Variants in CA10 observed in about 807,000 individuals in gnomAD.
CA10 encodes the protein carbonic anhydrase 10 (inactive), also known as carbonic anhydrase-related protein 10.
In CA10, 14 loss-of-function variants were observed where a neutral mutation model predicts 44.2. The ratio of observed to expected loss-of-function variants is 0.32; its 90% CI spans 0.21 to 0.50. The LOEUF (loss-of-function observed/expected upper bound fraction) is 0.50, where lower values mean the gene tolerates loss of function less well. CA10 is among the 20% of genes least tolerant of loss of function. The probability of loss-of-function intolerance (pLI) is 0.99; values close to 1 mark genes in which losing one functional copy is unlikely to be tolerated. For missense variants in CA10, 350 were observed against 409.7 expected, an observed-to-expected ratio of 0.85 and a Z score of 1.26; for synonymous variants, 159 against 141.6, an observed-to-expected ratio of 1.12 and a Z score of -0.87.
intron 2 of CA10, among the ~76,000 whole-genome samples, chr17:52,052,141 G>T (rs373133895): frequency 6.6e-6 from 1 of 151,824 alleles, no homozygotes; most frequent in African/African-American, 2.4e-5. Flanking sequence ...GGTGGAGGGT[G>T]GGGGAAGGGA....
At chr17:51,742,460 C>T (rs1598021486) in intron 4 of CA10, among the ~76,000 whole-genome samples, 3 of 152,302 alleles carry the variant, frequency 2.0e-5, no homozygotes, top group African/African-American at 7.2e-5. Flanking sequence ...CATACCCTAG[C>T]ACACTTCAGG....
intron 3 of CA10, among the ~76,000 whole-genome samples, chr17:51,890,345 T>C (rs1980800961): frequency 6.6e-6 from 1 of 152,176 alleles, no homozygotes; most frequent in Non-Finnish European, 1.5e-5. Context: ...GTTCGTAAAT[T>C]CTCGAGTTTA....
chr17:51,701,660 T>C (rs576205249), intron 4 of CA10, among the ~76,000 whole-genome samples: 2 of 152,172 alleles, frequency 1.3e-5, no homozygotes, highest in Non-Finnish European at 2.9e-5. Context: ...AGTCTCATAA[T>C]AGTTAACTCT....
chr17:51,898,183 T>A (rs754237419), intron 3 of CA10, among the ~76,000 whole-genome samples: 29 of 152,186 alleles, frequency 1.9e-4, no homozygotes, highest in Non-Finnish European at 7.3e-5. Context: ...GCATTTTCAG[T>A]ACGATGTTGG....
chr17:51,711,222 C>T (rs1187167446), intron 4 of CA10, among the ~76,000 whole-genome samples: 1 of 152,150 alleles, frequency 6.6e-6, no homozygotes, highest in Non-Finnish European at 1.5e-5. Flanking sequence ...GCAACTCACA[C>T]TTAGGTTCAT....
chr17:51,931,520 G>A (rs565455002), intron 2 of CA10, among the ~76,000 whole-genome samples: 63 of 152,244 alleles, frequency 4.1e-4, no homozygotes, highest in Admixed American at 8.5e-4. Context: ...TGGCAAGAAC[G>A]ATGTGAAAAT....
chr17:51,933,931 A>T (rs938411537), intron 2 of CA10, among the ~76,000 whole-genome samples: 14 of 152,060 alleles, frequency 9.2e-5, no homozygotes, highest in Admixed American at 5.9e-4. Context: ...AACAGGAAAA[A>T]CTTTATGCGA....
At chr17:51,663,270 T>TA (rs1567794121) in intron 4 of CA10, among the ~76,000 whole-genome samples, 2 of 151,170 alleles carry the variant, frequency 1.3e-5, no homozygotes, top group African/African-American at 2.4e-5. Flanking sequence ...GGCCTTCGCA[T>TA]CCTTCAACTT....
chr17:51,719,279 T>C (rs1201241499), intron 4 of CA10, among the ~76,000 whole-genome samples: 1 of 152,220 alleles, frequency 6.6e-6, no homozygotes, highest in Non-Finnish European at 1.5e-5. Context: ...CTCCTCCTTG[T>C]TCTTTTCAAC....
In CA10 at chr17:52,158,619, C is replaced by T. The variant is rs1989871923; in HGVS notation, c.-833G>A. 4 of 152,662 alleles carry T rather than the reference C, an allele frequency of 2.6e-5. No homozygotes were observed. The highest frequency in any genetic ancestry group is 5.8e-5 in the Non-Finnish European group (4 of 68,438). The allele number at this position is 152,662 out of a possible 1,614,324, so 9.5% of individuals were successfully genotyped here. A position where few individuals can be genotyped will look rare whatever the true frequency, so the allele number is the denominator to read the frequency against. On this transcript the variant is annotated 5_prime_UTR_variant, in exon 1 of 9. Coordinates refer to ENST00000451037, the MANE Select transcript of CA10 (RefSeq NM_020178.5). ...ACTCTCCAGGTCGCGCGCGCCCTTC[C>T]TGCTCCTCTGCTATTTTCCTGAACT...
chr17:51,805,471 A>G (rs993070244), intron 3 of CA10, among the ~76,000 whole-genome samples: 5 of 152,222 alleles, frequency 3.3e-5, no homozygotes, highest in Admixed American at 3.3e-4. Context: ...CTGTGGCTAT[A>G]CATCAGAATC....
chr17:51,658,458 T>C (rs1913882259), intron 4 of CA10, among the ~76,000 whole-genome samples: 1 of 152,164 alleles, frequency 6.6e-6, no homozygotes, highest in Non-Finnish European at 1.5e-5. Context: ...TTCTGTAGTA[T>C]GGTTGGTGAA....
chr17:52,008,617 T>C (rs1260955499), intron 2 of CA10, among the ~76,000 whole-genome samples: 1 of 151,846 alleles, frequency 6.6e-6, no homozygotes, highest in African/African-American at 2.4e-5. Context: ...AACTTACATA[T>C]TGTAAGTTAT....
At chr17:51,809,565 C>G (rs1408332465) in intron 3 of CA10, among the ~76,000 whole-genome samples, 1 of 152,204 alleles carries the variant, frequency 6.6e-6, no homozygotes, top group Non-Finnish European at 1.5e-5. Context: ...CATCCAGCAG[C>G]TTCTCTGCAA....
Position 51,919,655 on chromosome 17 carries a change from TGTTC to T in CA10, c.279+11331_279+11334del, listed in dbSNP as rs564229605. Among the ~76,000 whole-genome samples, 973 of 152,172 alleles carry T rather than the reference TGTTC, an allele frequency of 6.4e-3. 9 individuals are homozygous for T. The highest frequency in any genetic ancestry group is 0.02 in the African/African-American group (825 of 41,522). On this transcript the variant is annotated intron_variant, in intron 3 of 8. Coordinates refer to ENST00000451037, the MANE Select transcript of CA10 (RefSeq NM_020178.5). ...CTGTTAGTTGTTCTCTTTGTTTGAT[TGTTC>T]GTTTGTTTTTGAGATGGAGTCTCAC...
chr17:51,995,080 G>T (rs1985184690), intron 2 of CA10, among the ~76,000 whole-genome samples: 1 of 151,902 alleles, frequency 6.6e-6, no homozygotes, highest in Non-Finnish European at 1.5e-5. Context: ...GCAACCCAGA[G>T]ATCAACAAAT....
intron 3 of CA10, among the ~76,000 whole-genome samples, chr17:51,817,563 C>T (rs8073116): frequency 0.33 from 50,830 of 151,960 alleles, 8,871 homozygotes; most frequent in East Asian, 0.43. Flanking sequence ...CTGCCACCTA[C>T]GAACACTGGG....
intron 6 of CA10, among the ~76,000 whole-genome samples, chr17:51,648,755 G>A (rs1208123802): frequency 6.6e-6 from 1 of 152,154 alleles, no homozygotes; most frequent in East Asian, 1.9e-4. Flanking sequence ...CTGGAAAGGA[G>A]ACCCAGCCAC....
At chr17:51,873,249 C>A (rs1430820947) in intron 3 of CA10, among the ~76,000 whole-genome samples, 1 of 152,098 alleles carries the variant, frequency 6.6e-6, no homozygotes, top group Non-Finnish European at 1.5e-5. Flanking sequence ...AGTAAGTACC[C>A]AATAAATGAT....
Sources: allele counts gnomAD v4.1 joint callset (sites outside exome capture counted in the v4.1 genomes callset), GRCh38; gene constraint gnomAD v4.1.1; transcripts MANE v1.5; gene names NCBI Gene and HGNC (gene_info 2026-07-23, HGNC 2026-07-21).